Variants in SCAMP2 observed in about 807,000 individuals in gnomAD.
The protein encoded by SCAMP2 is secretory carrier membrane protein 2.
Under a neutral mutation model 44.1 loss-of-function variants are expected in SCAMP2, and 25 were observed. That is an observed-to-expected ratio of 0.57 (90% CI 0.41 to 0.79). The LOEUF (loss-of-function observed/expected upper bound fraction) is 0.79. Among genes scored for constraint, SCAMP2 ranks in the 30% least tolerant of loss-of-function variants. SCAMP2 has a pLI of 0.00. For synonymous variants in SCAMP2, 156 were observed against 166.0 expected, an observed-to-expected ratio of 0.94 and a Z score of 0.46; for missense variants, 355 against 411.0, an observed-to-expected ratio of 0.86 and a Z score of 1.18.
chr15:74,865,863 A>C (rs575754737), intron 1 of SCAMP2, among the ~76,000 whole-genome samples: 5 of 144,816 alleles, frequency 3.5e-5, no homozygotes, highest in African/African-American at 1.3e-4. Context: ...AGATGGGAGG[A>C]TTTCTGGAGC....
intron 2 of SCAMP2, 151 bp downstream of exon 2, chr15:74,854,430 T>C: frequency 1.3e-6 from 1 of 774,372 alleles, no homozygotes; most frequent in Non-Finnish European, 2.2e-6. Flanking sequence ...TTGCCATCCT[T>C]ACCCTGCCTC....
intron 1 of SCAMP2, among the ~76,000 whole-genome samples, chr15:74,866,621 C>A (rs995534954): frequency 3.9e-5 from 6 of 152,008 alleles, no homozygotes; most frequent in African/African-American, 1.2e-4. Context: ...GTGACTCTGT[C>A]TCAAAAAATA....
At chr15:74,847,096 T>A (rs1443580735) in intron 7 of SCAMP2, among the ~76,000 whole-genome samples, 1 of 146,894 alleles carries the variant, frequency 6.8e-6, no homozygotes, top group Non-Finnish European at 1.5e-5. Flanking sequence ...ATTTTTTTTT[T>A]TTTTTTTTTT....
At chr15:74,850,386 G>C in intron 6 of SCAMP2, 128 bp downstream of exon 6, 1 of 931,448 alleles carries the variant, frequency 1.1e-6, no homozygotes, top group Non-Finnish European at 1.6e-6. Flanking sequence ...ACAGAATGTA[G>C]GGAAAGTGGA....
intron 1 of SCAMP2, among the ~76,000 whole-genome samples, chr15:74,860,290 C>A (rs1177813825): frequency 1.3e-5 from 2 of 152,120 alleles, no homozygotes; most frequent in Non-Finnish European, 2.9e-5. Flanking sequence ...TGGCTCACAC[C>A]TGTAATCCCA....
intron 1 of SCAMP2, among the ~76,000 whole-genome samples, chr15:74,859,616 C>CTTTTTT (rs386383489): frequency 7.5e-6 from 1 of 132,568 alleles, no homozygotes; most frequent in Non-Finnish European, 1.6e-5. Flanking sequence ...GAAAACCACA[C>CTTTTTT]TTTTTTTTTT....
chr15:74,851,488 A>G lies in SCAMP2; in HGVS notation c.344-7T>C. On this transcript the variant is annotated splice_polypyrimidine_tract_variant and splice_region_variant and intron_variant, in intron 4 of 8. Transcript: ENST00000268099. Reference sequence around the variant, plus strand: ...GGCCAGTTGTTCTGTCTCACTGGGTAGGGCAAAAAGAGTGACGAGGTAAGG... The same window carrying G: ...GGCCAGTTGTTCTGTCTCACTGGGTGGGGCAAAAAGAGTGACGAGGTAAGG... 2 of 1,613,590 alleles carry G rather than the reference A, an allele frequency of 1.2e-6. No homozygotes were observed. The highest frequency in any genetic ancestry group is 1.7e-6 in the Non-Finnish European group (2 of 1,179,608).
chr15:74,865,010 C>T (rs1295152647), intron 1 of SCAMP2, among the ~76,000 whole-genome samples: 1 of 145,790 alleles, frequency 6.9e-6, no homozygotes, highest in Non-Finnish European at 1.5e-5. Flanking sequence ...TTGCTTGAAC[C>T]CAGGAGAGGT....
intron 1 of SCAMP2, among the ~76,000 whole-genome samples, chr15:74,860,826 G>A (rs2064498698): frequency 1.3e-5 from 2 of 151,758 alleles, no homozygotes; most frequent in African/African-American, 4.8e-5. Flanking sequence ...CTGCACTGCA[G>A]CCTGGGCAGC....
intron 1 of SCAMP2, chr15:74,872,943 T>C: frequency 2.2e-6 from 1 of 453,246 alleles, no homozygotes; most frequent in Non-Finnish European, 3.9e-6. Context: ...TCCCCTTCCC[T>C]AGCACAGCCC....
At chr15:74,870,690 GT>G (rs1299836094) in intron 1 of SCAMP2, among the ~76,000 whole-genome samples, 2 of 152,232 alleles carry the variant, frequency 1.3e-5, no homozygotes, top group African/African-American at 4.8e-5. Flanking sequence ...ATTCCCTGAT[GT>G]TCTAAGGAAC....
At chr15:74,849,772 C>T (rs1299145143) in intron 6 of SCAMP2, among the ~76,000 whole-genome samples, 2 of 152,096 alleles carry the variant, frequency 1.3e-5, no homozygotes, top group East Asian at 1.9e-4. Context: ...CTTGAGGATA[C>T]GTGGTAACAA....
intron 5 of SCAMP2, 116 bp downstream of exon 5, chr15:74,851,237 G>A (rs1388981368): frequency 2.4e-6 from 3 of 1,228,196 alleles, no homozygotes; most frequent in Non-Finnish European, 3.4e-6. Context: ...AGGCACTGAG[G>A]AAGGCTGGAG....
At chr15:74,851,038 G>A (rs1464334034) in intron 5 of SCAMP2, among the ~76,000 whole-genome samples, 4 of 152,192 alleles carry the variant, frequency 2.6e-5, no homozygotes, top group Non-Finnish European at 1.5e-5. Flanking sequence ...TCACCCCTCA[G>A]AGTTCACAGG....
At chr15:74,867,423 C>T (rs2079739449) in intron 1 of SCAMP2, among the ~76,000 whole-genome samples, 1 of 152,214 alleles carries the variant, frequency 6.6e-6, no homozygotes, top group East Asian at 1.9e-4. Context: ...TTTTAACACC[C>T]AGCCTGGCTC....
chr15:74,858,833 G>A (rs1342276559), intron 1 of SCAMP2, among the ~76,000 whole-genome samples: 2 of 108,436 alleles, frequency 1.8e-5, no homozygotes, highest in African/African-American at 7.7e-5. Context: ...TTTTTTTTGA[G>A]ACGGAGTCTT....
chr15:74,850,341 G>C (rs2064427100), intron 6 of SCAMP2, among the ~76,000 whole-genome samples, 173 bp downstream of exon 6: 1 of 152,150 alleles, frequency 6.6e-6, no homozygotes, highest in Admixed American at 6.5e-5. Context: ...TGAGGAACGG[G>C]GCCCCCAATC....
intron 1 of SCAMP2, 91 bp downstream of exon 1, chr15:74,873,108 C>T: frequency 1.7e-6 from 2 of 1,167,486 alleles, no homozygotes; most frequent in South Asian, 2.0e-5. Flanking sequence ...GTCCCTCCTA[C>T]GCCACGTCTC....
chr15:74,846,812 T>C (rs2064402657), intron 7 of SCAMP2, among the ~76,000 whole-genome samples: 1 of 152,118 alleles, frequency 6.6e-6, no homozygotes, highest in Admixed American at 6.6e-5. Context: ...TTTCTGCTGC[T>C]TTGGGGGTGG....
Sources: allele counts gnomAD v4.1 joint callset (sites outside exome capture counted in the v4.1 genomes callset), GRCh38; gene constraint gnomAD v4.1.1; transcripts MANE v1.5; gene names NCBI Gene and HGNC (gene_info 2026-07-23, HGNC 2026-07-21).